PHF20: variants seen among roughly 807,000 people sequenced by gnomAD.
PHF20 encodes the protein PHD finger protein 20, also known as glioma-expressed antigen 2.
In PHF20, 23 loss-of-function variants were observed where a neutral mutation model predicts 113.5. That is an observed-to-expected ratio of 0.20 (90% CI 0.15 to 0.29). PHF20 has a LOEUF of 0.29. Among genes scored for constraint, PHF20 ranks in the 10% least tolerant of loss-of-function variants. The pLI is 1.00. For missense variants in PHF20, 943 were observed against 1,219.6 expected (o/e 0.77, Z 3.38); for synonymous variants, 434 against 457.3 (o/e 0.95, Z 0.65).
intron 9 of PHF20, among the ~76,000 whole-genome samples, chr20:35,877,392 C>T (rs1186819290): frequency 2.0e-5 from 3 of 149,404 alleles, no homozygotes; most frequent in African/African-American, 2.4e-5. Flanking sequence ...TAGCAAGTGC[C>T]TAGTAAGTGC....
At chr20:35,818,806 G>T (rs2042119589) in intron 2 of PHF20, among the ~76,000 whole-genome samples, 1 of 152,166 alleles carries the variant, frequency 6.6e-6, no homozygotes, top group African/African-American at 2.4e-5. Context: ...CAAAGTGTTG[G>T]GATTACAGGC....
At chr20:35,912,700 C>T (rs1280751581) in intron 10 of PHF20, among the ~76,000 whole-genome samples, 5 of 152,002 alleles carry the variant, frequency 3.3e-5, no homozygotes, top group South Asian at 2.1e-4. Context: ...GGTGTGGTGG[C>T]GTGTGTCTGT....
intron 9 of PHF20, chr20:35,878,765 G>T: frequency 1.4e-6 from 1 of 710,466 alleles, no homozygotes; most frequent in South Asian, 1.6e-5. Flanking sequence ...CTTGTAGGAG[G>T]AGCTTGTTTT....
rs189287691 is a variant in PHF20, at chr20:35,926,951, G to A, written c.2005-829G>A. On this transcript the variant is annotated intron_variant, in intron 13 of 17. Transcript: ENST00000374012. ...GCTTGAAGTGCCCTAGTATCTCCTC[G>A]GGAGTTCGCCTTTCCTTTTCATTCC... is the stretch of plus-strand genomic sequence containing the variant. Among the ~76,000 whole-genome samples, 93 of 152,240 alleles carry A rather than the reference G, an allele frequency of 6.1e-4. 1 individual carries two copies. Among genetic ancestry groups the A allele is most frequent in the Middle Eastern group, 6.8e-3 (2 of 294 alleles).
At chr20:35,870,924 C>A in intron 7 of PHF20, 31 bp from the exon 8 acceptor site, 1 of 1,531,118 alleles carries the variant, frequency 6.5e-7, no homozygotes. Flanking sequence ...TTGTTGGTCT[C>A]TTGACTACAA....
In PHF20 at chr20:35,940,905, C is replaced by A. The variant is rs2055964597; in HGVS notation, c.2754C>A (p.Ala918=). 6.2e-7 allele frequency: 1 copy of A among 1,614,028 alleles called. No individual in the cohort carries two copies. The highest frequency in any genetic ancestry group is 1.7e-5 in the Admixed American group (1 of 59,984). The change falls in exon 17 of 18, where the codon GCC becomes GCA. Residue 918 remains alanine, a synonymous_variant. Transcript: ENST00000374012. ...YVSKKALPEE[A]PARKLLDRGG... ...CCAAAAAGGCCCTACCAGAAGAAGC[C>A]CCTGCTCGGAAGCTGCTGGACAGAG...
At chr20:35,859,053 C>T (rs1313768551) in intron 5 of PHF20, among the ~76,000 whole-genome samples, 1 of 152,206 alleles carries the variant, frequency 6.6e-6, no homozygotes, top group Non-Finnish European at 1.5e-5. Flanking sequence ...AGGAGACCTC[C>T]AGTATGTTTT....
chr20:35,794,044 A>C (rs1230687369), intron 1 of PHF20, among the ~76,000 whole-genome samples: 1 of 138,272 alleles, frequency 7.2e-6, no homozygotes, highest in Non-Finnish European at 1.5e-5. Flanking sequence ...TCACACCTGT[A>C]ATCCCCAGCA....
chr20:35,938,899 A>G lies in PHF20; in HGVS notation c.2503A>G (p.Ile835Val), dbSNP rs1348518006. The change falls in exon 16 of 18, where the codon ATC (isoleucine) becomes GTC (valine). Residue 835 changes from isoleucine to valine, a missense_variant. This residue lies in a region of PHF20 where 349 missense variants were observed against 412.3 expected (regional missense o/e 0.85). Coordinates refer to ENST00000374012, the MANE Select transcript of PHF20 (RefSeq NM_016436.5). ...GCCGCGTTCTGTGGAGGAATCCTAT[A>G]TCACCAGTGAGCATTGCTACCAGAA... ...PLPRSVEESYITSEHCYQKPR... is the reference protein window; with the variant it reads ...PLPRSVEESYVTSEHCYQKPR... 6.2e-7 allele frequency: 1 copy of G among 1,614,000 alleles called. No individual in the cohort carries two copies. The highest frequency in any genetic ancestry group is 8.5e-7 in the Non-Finnish European group (1 of 1,180,008).
chr20:35,911,288 C>T (rs929698466), intron 10 of PHF20, among the ~76,000 whole-genome samples: 2 of 151,420 alleles, frequency 1.3e-5, no homozygotes, highest in East Asian at 2.0e-4. Flanking sequence ...GTGATCCGCC[C>T]GCCTTGGCCT....
Position 35,949,728 on chromosome 20 carries a change from T to C in PHF20, c.*2101T>C, listed in dbSNP as rs2056145164. 1 of 152,662 alleles carries C rather than the reference T, an allele frequency of 6.6e-6. No individual in the cohort carries two copies. Among genetic ancestry groups the C allele is most frequent in the African/African-American group, 2.4e-5 (1 of 41,468 alleles). 9.5% of individuals were successfully genotyped at this position (152,662 alleles called of 1,614,324 possible). On this transcript the variant is annotated 3_prime_UTR_variant, in exon 18 of 18. Coordinates refer to ENST00000374012, the MANE Select transcript of PHF20 (RefSeq NM_016436.5). Reference sequence around the variant, plus strand: ...TATGTTGGAGCACTGGAAACCGTTATTTGCAAACATTGCTGTTACCATTTA... The same window carrying C: ...TATGTTGGAGCACTGGAAACCGTTACTTGCAAACATTGCTGTTACCATTTA...
intron 9 of PHF20, among the ~76,000 whole-genome samples, chr20:35,886,103 CA>C (rs2054726110): frequency 6.6e-6 from 1 of 150,718 alleles, no homozygotes. Context: ...ATTTTAATGC[CA>C]AAAAATTATA....
chr20:35,872,415 C>T (rs750537090), intron 9 of PHF20, among the ~76,000 whole-genome samples: 43 of 151,984 alleles, frequency 2.8e-4, no homozygotes, highest in Admixed American at 1.2e-3. Context: ...CCCAGCTACT[C>T]GGGAAGCTGA....
rs374349434 is a variant in PHF20 at position 35,857,549 on chromosome 20, C to A, written c.341-753C>A. Among the ~76,000 whole-genome samples, 14 of 140,696 alleles carry A rather than the reference C, an allele frequency of 1.0e-4. No homozygotes were observed. In the East Asian group the frequency reaches 2.9e-3, roughly 29 times the overall value. 92.3% of individuals were successfully genotyped at this position (140,696 alleles called of 152,430 possible). On this transcript the variant is annotated intron_variant, in intron 4 of 17. Coordinates refer to ENST00000374012, the MANE Select transcript of PHF20 (RefSeq NM_016436.5). Reference sequence around the variant, plus strand: ...ATCTCTTGAAACACAATACCTTTAGCTGAATGATGTTCCTTTTTTTTTTTT... The same window carrying A: ...ATCTCTTGAAACACAATACCTTTAGATGAATGATGTTCCTTTTTTTTTTTT...
chr20:35,836,949 C>T (rs987848983), intron 2 of PHF20, among the ~76,000 whole-genome samples: 16 of 152,098 alleles, frequency 1.1e-4, no homozygotes, highest in South Asian at 8.3e-4. Flanking sequence ...GGCCAGCGAT[C>T]GCTTGAGCCC....
chr20:35,863,233 C>T lies in PHF20; in HGVS notation c.641C>T (p.Pro214Leu). 1 of 1,614,014 alleles carries T rather than the reference C, an allele frequency of 6.2e-7. No homozygotes were observed. The highest frequency in any genetic ancestry group is 8.5e-7 in the Non-Finnish European group (1 of 1,179,980). ...EKGKVSEKSL[P>L]KNEKEDKENI... Reference sequence around the variant, plus strand: ...GGGAAAGTGTCAGAGAAAAGTCTTCCCAAGAACGAGAAGGAAGACAAGGAA... The same window carrying T: ...GGGAAAGTGTCAGAGAAAAGTCTTCTCAAGAACGAGAAGGAAGACAAGGAA... Residue 214 changes from proline (P) to leucine (L), a missense_variant, in exon 6 of 18, where the codon CCC becomes CTC. Transcript: ENST00000374012.
At chr20:35,869,196 C>A (rs1174174379) in intron 6 of PHF20, among the ~76,000 whole-genome samples, 1 of 152,114 alleles carries the variant, frequency 6.6e-6, no homozygotes, top group Non-Finnish European at 1.5e-5. Context: ...AAAACTGGAG[C>A]TGGATCATAG....
intron 2 of PHF20, among the ~76,000 whole-genome samples, chr20:35,810,246 A>G (rs1333912761): frequency 6.6e-6 from 1 of 152,072 alleles, no homozygotes; most frequent in Non-Finnish European, 1.5e-5. Flanking sequence ...GACAGTTTAA[A>G]GCCTGAAAGC....
At chr20:35,939,808 G>T (rs2055941524) in intron 16 of PHF20, among the ~76,000 whole-genome samples, 2 of 152,188 alleles carry the variant, frequency 1.3e-5, no homozygotes, top group Admixed American at 6.5e-5. Context: ...TCTCCTGCAG[G>T]TTGGTGTCAC....
Sources: allele counts gnomAD v4.1 joint callset (sites outside exome capture counted in the v4.1 genomes callset), GRCh38; gene constraint gnomAD v4.1.1; regional missense constraint gnomAD v4.1.1; transcripts MANE v1.5; gene names NCBI Gene and HGNC (gene_info 2026-07-23, HGNC 2026-07-21).